The following ZNF521 variants were observed in gnomAD, a reference collection of about 807,000 sequenced individuals.
ZNF521 encodes LYST-interacting protein 3.
ZNF521 carries 14 observed loss-of-function variants against 105.5 expected under a neutral mutation model. The observed-to-expected ratio is 0.13, with a 90% CI of 0.09 to 0.21. The LOEUF (loss-of-function observed/expected upper bound fraction) is 0.21. ZNF521 is among the 10% of genes least tolerant of loss of function. The probability of loss-of-function intolerance (pLI) is 1.00; values close to 1 mark genes in which losing one functional copy is unlikely to be tolerated. For missense variants in ZNF521, 1,233 were observed against 1,629.7 expected, an observed-to-expected ratio of 0.76 and a Z score of 4.19; for synonymous variants, 635 against 606.0, an observed-to-expected ratio of 1.05 and a Z score of -0.70.
intron 3 of ZNF521, among the ~76,000 whole-genome samples, chr18:25,259,326 G>T (rs1051736169): frequency 2.0e-5 from 3 of 152,156 alleles, no homozygotes; most frequent in African/African-American, 7.2e-5. Context: ...TAATTTAGCA[G>T]AAAAGAAACT....
At position 25,321,998 on chromosome 18, in the gene ZNF521, T is replaced by C. The variant is rs1434870533; in HGVS notation, c.220+10A>G. 8 of 1,612,518 alleles carry C rather than the reference T, an allele frequency of 5.0e-6. No homozygotes were observed. The highest frequency in any genetic ancestry group is 6.8e-6 in the Non-Finnish European group (8 of 1,179,102). ...TACAAGAAGACAAAAAAGTGATAAG[T>C]ATTGTTTACCTGTCAGTTGACATTG... On this transcript the variant is annotated intron_variant, in intron 3 of 7. Transcript: ENST00000361524.
intron 4 of ZNF521, among the ~76,000 whole-genome samples, chr18:25,221,120 C>T (rs908962614): frequency 1.3e-5 from 2 of 152,160 alleles, no homozygotes; most frequent in African/African-American, 2.4e-5. Context: ...ATCTTCACTG[C>T]AAATTTAGAT....
chr18:25,266,954 G>A (rs899879729), intron 3 of ZNF521, among the ~76,000 whole-genome samples: 12 of 152,188 alleles, frequency 7.9e-5, no homozygotes, highest in Non-Finnish European at 2.9e-5. Context: ...AAAGTGGGCT[G>A]AAGCCAGGGA....
intron 3 of ZNF521, among the ~76,000 whole-genome samples, chr18:25,248,559 A>G (rs1436142475): frequency 6.6e-6 from 1 of 152,242 alleles, no homozygotes; most frequent in Admixed American, 6.5e-5. Context: ...GAAAAGCTAT[A>G]TTGATATTTA....
At chr18:25,139,095 G>A (rs1391729922) in intron 5 of ZNF521, among the ~76,000 whole-genome samples, 2 of 152,130 alleles carry the variant, frequency 1.3e-5, no homozygotes, top group Non-Finnish European at 2.9e-5. Flanking sequence ...AAGACGCTGG[G>A]CACGGTGGCT....
At chr18:25,212,653 C>T (rs993876710) in intron 4 of ZNF521, among the ~76,000 whole-genome samples, 1 of 144,906 alleles carries the variant, frequency 6.9e-6, no homozygotes, top group Admixed American at 7.0e-5. Flanking sequence ...AACTGACAGA[C>T]TTACAGTATT....
At chr18:25,192,631 A>G (rs185853385) in intron 5 of ZNF521, among the ~76,000 whole-genome samples, 114 of 151,984 alleles carry the variant, frequency 7.5e-4, no homozygotes, top group Non-Finnish European at 1.4e-3. Context: ...GGCTTTTCAG[A>G]TAGTCCCTAA....
At chr18:25,174,239 T>G (rs2035496582) in intron 5 of ZNF521, among the ~76,000 whole-genome samples, 1 of 152,188 alleles carries the variant, frequency 6.6e-6, no homozygotes, top group Admixed American at 6.5e-5. Flanking sequence ...TGAACACTTC[T>G]CCGTGACAGT....
chr18:25,084,436 G>A (rs1751237840), intron 7 of ZNF521, among the ~76,000 whole-genome samples: 1 of 150,940 alleles, frequency 6.6e-6, no homozygotes, highest in Non-Finnish European at 1.5e-5. Flanking sequence ...AAAATCAGGT[G>A]ATTTGGTGGA....
intron 5 of ZNF521, among the ~76,000 whole-genome samples, chr18:25,151,985 G>A (rs898311115): frequency 4.6e-5 from 7 of 152,126 alleles, no homozygotes; most frequent in Non-Finnish European, 8.8e-5. Context: ...TTTTTTACAT[G>A]AGAGAGCATA....
chr18:25,074,808 T>G (rs761902676), intron 7 of ZNF521, among the ~76,000 whole-genome samples: 22 of 152,286 alleles, frequency 1.4e-4, no homozygotes, highest in Non-Finnish European at 3.1e-4. Flanking sequence ...TCTAGGTCTC[T>G]GTGGGACAGT....
intron 5 of ZNF521, among the ~76,000 whole-genome samples, chr18:25,186,825 G>A (rs150662060): frequency 3.3e-5 from 5 of 150,118 alleles, no homozygotes; most frequent in African/African-American, 1.2e-4. Context: ...CATGGTACTA[G>A]GTTGATGAAT....
chr18:25,207,686 G>A (rs986374194), intron 4 of ZNF521, among the ~76,000 whole-genome samples: 2 of 152,088 alleles, frequency 1.3e-5, no homozygotes, highest in Non-Finnish European at 1.5e-5. Context: ...AAAAGTAAAC[G>A]TTTTCAGAAT....
At position 25,254,670 on chromosome 18, in the gene ZNF521, T is replaced by A. The variant is rs542584655; in HGVS notation, c.221-26973A>T. On this transcript the variant is annotated intron_variant, in intron 3 of 7. Coordinates refer to ENST00000361524, the MANE Select transcript of ZNF521 (RefSeq NM_015461.3). ...CTAGACATAAAAGAAGGAAGCAAGG[T>A]AAGAACAGGGAATGGGTACCCATGG... Among the ~76,000 whole-genome samples the A allele has an allele frequency of 2.0e-4, 30 of 152,194 alleles. 1 individual carries two copies. The South Asian group carries it at 6.2e-3, about 32-fold the overall frequency.
chr18:25,174,951 ATACT>A (rs1476590185), intron 5 of ZNF521, among the ~76,000 whole-genome samples: 1 of 152,234 alleles, frequency 6.6e-6, no homozygotes, highest in Non-Finnish European at 1.5e-5. Flanking sequence ...TTTTCCTAAA[ATACT>A]TACCACATTA....
intron 5 of ZNF521, among the ~76,000 whole-genome samples, chr18:25,155,415 A>G (rs2035125452): frequency 1.3e-5 from 2 of 151,734 alleles, no homozygotes. Context: ...GAAGTTTTTT[A>G]GTTTGATGTA....
chr18:25,198,274 GAACA>G (rs1235100338), intron 4 of ZNF521, among the ~76,000 whole-genome samples: 1 of 151,492 alleles, frequency 6.6e-6, no homozygotes, highest in Non-Finnish European at 1.5e-5. Flanking sequence ...TTGATTTTGA[GAACA>G]ATTTAAATGT....
chr18:25,083,419 G>T (rs1379334537), intron 7 of ZNF521, among the ~76,000 whole-genome samples: 1 of 152,150 alleles, frequency 6.6e-6, no homozygotes. Context: ...GATGAATCTG[G>T]ATTTTGTTCA....
intron 3 of ZNF521, among the ~76,000 whole-genome samples, chr18:25,280,706 C>T (rs902004792): frequency 2.6e-5 from 4 of 152,270 alleles, no homozygotes; most frequent in Admixed American, 6.5e-5. Flanking sequence ...GTTGATATCA[C>T]CCTTATTTGT....
Sources: allele counts gnomAD v4.1 joint callset (sites outside exome capture counted in the v4.1 genomes callset), GRCh38; gene constraint gnomAD v4.1.1; transcripts MANE v1.5; gene names NCBI Gene and HGNC (gene_info 2026-07-23, HGNC 2026-07-21).